SENP1: variants seen among roughly 807,000 people sequenced by gnomAD.
SENP1 encodes the protein sentrin-specific protease 1.
Under a neutral mutation model 93.0 loss-of-function variants are expected in SENP1, and 21 were observed. The ratio of observed to expected loss-of-function variants is 0.23; its 90% CI spans 0.16 to 0.33. The LOEUF (loss-of-function observed/expected upper bound fraction) is 0.33. SENP1 is among the 10% of genes least tolerant of loss of function. The probability of loss-of-function intolerance (pLI) is 1.00; values close to 1 mark genes in which losing one functional copy is unlikely to be tolerated. For missense variants in SENP1, 591 were observed against 758.7 expected (o/e 0.78, Z 2.60); for synonymous variants, 256 against 259.6 (o/e 0.99, Z 0.13).
At chr12:48,058,660 T>C (rs538980090) in intron 13 of SENP1, among the ~76,000 whole-genome samples, 3 of 152,180 alleles carry the variant, frequency 2.0e-5, no homozygotes, top group Non-Finnish European at 2.9e-5. Context: ...TACTTCTGTA[T>C]GTTATAAATC....
chr12:48,059,028 T>C (rs1942784779), intron 13 of SENP1, among the ~76,000 whole-genome samples: 1 of 152,188 alleles, frequency 6.6e-6, no homozygotes, highest in Non-Finnish European at 1.5e-5. Flanking sequence ...CCTTTTTCCT[T>C]CTCGTTGCAC....
chr12:48,065,141 A>G lies in SENP1; in HGVS notation c.1199T>C (p.Val400Ala). The G allele has an allele frequency of 6.2e-7, 1 of 1,608,658 alleles. No individual in the cohort carries two copies. Among genetic ancestry groups the G allele is most frequent in the Non-Finnish European group, 8.5e-7 (1 of 1,175,114 alleles). The stretch of plus-strand genomic sequence containing the variant: ...TTTTTGTGTTTCTTGGACAACAGTA[A>G]CAGGAATCTCCTTTTCAAGAGGTAC... Reference protein sequence around the residue: ...LRVPLEKEIPVTVVQETQKKG... With the variant: ...LRVPLEKEIPATVVQETQKKG... Residue 400 changes from valine (V) to alanine (A), a missense_variant, in exon 12 of 18, where the codon GTT (valine) becomes GCT (alanine). Physicochemically the swap from Val to Ala is moderately conservative, Grantham distance 64. This residue lies in a region of SENP1 where 238 missense variants were observed against 259.1 expected (regional missense o/e 0.92). Coordinates refer to ENST00000549518, the MANE Select transcript of SENP1 (RefSeq NM_001267594.2).
chr12:48,099,009 A>T (rs1181750422), intron 2 of SENP1: 15 of 152,086 alleles, frequency 9.9e-5, no homozygotes, highest in Admixed American at 4.6e-4. Flanking sequence ...ACATATAAAA[A>T]CAGCTTAATT....
At chr12:48,053,971 C>A (rs1942019292) in intron 13 of SENP1, among the ~76,000 whole-genome samples, 2 of 152,048 alleles carry the variant, frequency 1.3e-5, no homozygotes, top group South Asian at 4.1e-4. Context: ...TGCTATTTTT[C>A]CAATTCATCC....
At chr12:48,095,436 T>G (rs2137268570) in intron 4 of SENP1, among the ~76,000 whole-genome samples, 1 of 149,418 alleles carries the variant, frequency 6.7e-6, no homozygotes, top group African/African-American at 2.5e-5. Context: ...CTAGGGAGGT[T>G]AAGGCAGGAG....
At position 48,045,401 on chromosome 12, in the gene SENP1, A is replaced by T. The variant is rs757286795; in HGVS notation, c.1873-17T>A. 1.2e-6 allele frequency: 2 copies of T among 1,611,646 alleles called. No homozygotes were observed. The highest frequency in any genetic ancestry group is 1.7e-6 in the Non-Finnish European group (2 of 1,177,914). ...CATGTGTTGCTGTAGGGACACAGAG[A>T]CACCCTTAATTTTCAATGCTTTTGT... On this transcript the variant is annotated splice_polypyrimidine_tract_variant and intron_variant, in intron 17 of 17. Transcript: ENST00000549518.
intron 14 of SENP1, 135 bp from the exon 15 acceptor site, chr12:48,048,215 T>C (rs1042492879): frequency 3.2e-6 from 2 of 630,784 alleles, no homozygotes; most frequent in Non-Finnish European, 5.6e-6. Context: ...ATATTTTGCA[T>C]TATATTATGC....
intron 15 of SENP1, 57 bp from the exon 16 acceptor site, chr12:48,047,119 AC>A: frequency 9.2e-7 from 1 of 1,085,130 alleles, no homozygotes; most frequent in East Asian, 2.4e-5. Flanking sequence ...GACAGCTGCC[AC>A]ACTAAGAATG....
intron 13 of SENP1, among the ~76,000 whole-genome samples, chr12:48,054,284 G>C (rs781192563): frequency 3.9e-5 from 6 of 152,058 alleles, no homozygotes; most frequent in African/African-American, 1.4e-4. Context: ...CACGTATTTC[G>C]AAGTTCTGTT....
At chr12:48,089,794 T>TGAAA (rs1311661881) in intron 4 of SENP1, among the ~76,000 whole-genome samples, 1 of 152,230 alleles carries the variant, frequency 6.6e-6, no homozygotes, top group Non-Finnish European at 1.5e-5. Flanking sequence ...GGAGCTCCAG[T>TGAAA]GAAAACACAA....
At position 48,063,614 on chromosome 12, in the gene SENP1, T is replaced by C. The variant is rs1008208767; in HGVS notation, c.1407+96A>G. ...TGAGAGATGATTCCAATGCAGGTCA[T>C]CCATGGACCACATTTTGAGAAAAAG... On this transcript the variant is annotated intron_variant, in intron 13 of 17. Transcript: ENST00000549518. The C allele has an allele frequency of 4.0e-6, 5 of 1,255,354 alleles. No individual in the cohort carries two copies. In the African/African-American group the frequency reaches 4.4e-5, roughly 11 times the overall value. 77.8% of individuals were successfully genotyped at this position (1,255,354 alleles called of 1,614,324 possible). A position where few individuals can be genotyped will look rare whatever the true frequency, so the allele number is the denominator to read the frequency against.
Position 48,106,040 on chromosome 12 carries a change from G to C in SENP1, c.-57C>G, listed in dbSNP as rs898185606. On this transcript the variant is annotated 5_prime_UTR_variant, in exon 1 of 18. Transcript: ENST00000549518. The stretch of plus-strand genomic sequence containing the variant: ...CGCCGCCACTCACCGAACCGGAACC[G>C]GCTGCCATGCGAAGGGGTTTCCGGC... The C allele has an allele frequency of 1.4e-6, 1 of 701,956 alleles. No homozygotes were observed. The allele number at this position is 701,956 out of a possible 1,614,324, so 43.5% of individuals were successfully genotyped here.
intron 5 of SENP1, chr12:48,085,259 C>G: frequency 6.4e-7 from 1 of 1,553,588 alleles, no homozygotes; most frequent in South Asian, 1.1e-5. Flanking sequence ...TCATCCTCAT[C>G]AACCAGTACA....
intron 1 of SENP1, 60 bp downstream of exon 1, chr12:48,105,968 G>A (rs1946538903): frequency 2.9e-6 from 2 of 698,584 alleles, no homozygotes; most frequent in South Asian, 3.0e-5. Context: ...GTCCGACACA[G>A]TCTCCTGGAC....
chr12:48,078,334 T>TATAC lies in SENP1; in HGVS notation c.553-3542_553-3541insGTAT. On this transcript the variant is annotated intron_variant, in intron 6 of 17. Transcript: ENST00000549518. The stretch of plus-strand genomic sequence containing the variant: ...GTAGGATTTTATATATATATATATA[T>TATAC]ACACACACATATATATATACACACA... Among the ~76,000 whole-genome samples the TATAC allele has an allele frequency of 1.6e-3, 109 of 67,912 alleles. 6 individuals are homozygous for TATAC. The highest frequency in any genetic ancestry group is 5.0e-3 in the African/African-American group (104 of 20,604). The allele number at this position is 67,912 out of a possible 152,430, so 44.6% of individuals were successfully genotyped here.
intron 2 of SENP1, 64 bp from the exon 3 acceptor site, chr12:48,098,188 C>T: frequency 6.6e-7 from 1 of 1,511,370 alleles, no homozygotes; most frequent in South Asian, 1.2e-5. Context: ...TCCTATGAAC[C>T]AATCTTTTCA....
chr12:48,062,718 T>C (rs1592338272), intron 13 of SENP1, among the ~76,000 whole-genome samples: 2 of 152,338 alleles, frequency 1.3e-5, no homozygotes, highest in East Asian at 3.9e-4. Flanking sequence ...AGTTTTTAAA[T>C]CTTTCTATGC....
intron 13 of SENP1, among the ~76,000 whole-genome samples, chr12:48,056,187 TA>T (rs1193000668): frequency 5.1e-5 from 3 of 59,248 alleles, no homozygotes; most frequent in Admixed American, 2.6e-4. Flanking sequence ...ATATATTATT[TA>T]ATATATAGTA....
At chr12:48,093,388 A>G (rs1244883239) in intron 4 of SENP1, among the ~76,000 whole-genome samples, 1 of 149,988 alleles carries the variant, frequency 6.7e-6, no homozygotes, top group Non-Finnish European at 1.5e-5. Flanking sequence ...GGTTCAAGCG[A>G]TTCTTCTGCC....
Sources: gnomAD v4.1 joint callset for allele counts (sites outside exome capture counted in the v4.1 genomes callset) on GRCh38, gnomAD v4.1.1 for gene constraint, gnomAD v4.1.1 regional missense constraint, MANE v1.5 for transcripts, NCBI Gene and HGNC (gene_info 2026-07-23, HGNC 2026-07-21) for gene names.